Variants in DNAH9 observed in about 807,000 individuals in gnomAD.
DNAH9 encodes DNAH9 variant protein.
Under a neutral mutation model 471.6 loss-of-function variants are expected in DNAH9, and 345 were observed. The observed-to-expected ratio is 0.73, with a 90% confidence interval of 0.67 to 0.80. The LOEUF (loss-of-function observed/expected upper bound fraction) is 0.80, where lower values mean the gene tolerates loss of function less well. Ranked by LOEUF, DNAH9 falls within the 30% of genes least tolerant of loss-of-function variation. The probability of loss-of-function intolerance (pLI) is 0.00; values close to 1 mark genes in which losing one functional copy is unlikely to be tolerated. For missense variants in DNAH9, 5,407 were observed against 5,609.2 expected (o/e 0.96, Z 1.15); for synonymous variants, 2,093 against 2,123.6 (o/e 0.99, Z 0.40).
chr17:11,868,053 G>A (rs147936053), intron 50 of DNAH9, among the ~76,000 whole-genome samples: 180 of 152,230 alleles, frequency 1.2e-3, no homozygotes, highest in South Asian at 3.3e-3. Flanking sequence ...CTGCTCCAGC[G>A]GTCTCCACTT....
intron 14 of DNAH9, among the ~76,000 whole-genome samples, chr17:11,657,070 T>C (rs1289786953): frequency 6.6e-6 from 1 of 152,156 alleles, no homozygotes; most frequent in Non-Finnish European, 1.5e-5. Context: ...TCCATGGACA[T>C]ATGTTTTCAT....
intron 14 of DNAH9, among the ~76,000 whole-genome samples, chr17:11,662,052 A>G (rs2073775233): frequency 6.6e-6 from 1 of 152,028 alleles, no homozygotes; most frequent in Non-Finnish European, 1.5e-5. Context: ...TCCTTATTTC[A>G]TCTTTGTTTT....
chr17:11,878,470 A>G (rs978999163), intron 53 of DNAH9, among the ~76,000 whole-genome samples: 6 of 152,288 alleles, frequency 3.9e-5, no homozygotes, highest in African/African-American at 1.2e-4. Flanking sequence ...CATTTATTCT[A>G]TAAGTGATGC....
chr17:11,836,686 C>T (rs1970860258), intron 49 of DNAH9, among the ~76,000 whole-genome samples: 2 of 152,102 alleles, frequency 1.3e-5, no homozygotes, highest in South Asian at 2.1e-4. Context: ...CCATTCATTC[C>T]GTCTAAATCT....
Position 11,598,805 on chromosome 17 carries a change from T to C in DNAH9, c.307T>C (p.Phe103Leu). The C allele has an allele frequency of 2.7e-6, 4 of 1,480,772 alleles. No homozygotes were observed. Among genetic ancestry groups the C allele is most frequent in the Non-Finnish European group, 3.6e-6 (4 of 1,119,656 alleles). The allele number at this position is 1,480,772 out of a possible 1,614,324, so 91.7% of individuals were successfully genotyped here. A position where few individuals can be genotyped will look rare whatever the true frequency, so the allele number is the denominator to read the frequency against. The stretch of plus-strand genomic sequence containing the variant: ...CCTGGCTGGCGCTAAGGCGCTTTTT[T>C]TCCTTCGCACCGGGCCCGAGCCTCC... ...SGLAGAKALFFLRTGPEPPGP... is the reference protein window; with the variant it reads ...SGLAGAKALFLLRTGPEPPGP... Residue 103 changes from phenylalanine (F) to leucine (L), a missense_variant, in exon 1 of 69, where the codon TTC (phenylalanine) becomes CTC (leucine). Around this residue, in one of 3 missense-constraint regions of DNAH9, gnomAD observed 767 missense variants for 692.5 expected, o/e 1.11. Coordinates refer to ENST00000262442, the MANE Select transcript of DNAH9 (RefSeq NM_001372.4).
intron 43 of DNAH9, among the ~76,000 whole-genome samples, chr17:11,804,829 G>A (rs113961421): frequency 0.037 from 5,587 of 151,186 alleles, 172 homozygotes; most frequent in South Asian, 0.14. Flanking sequence ...AGCCGAGATC[G>A]CGCCACTGTA....
chr17:11,918,758 C>T (rs550164522), intron 61 of DNAH9, among the ~76,000 whole-genome samples: 11 of 151,458 alleles, frequency 7.3e-5, no homozygotes, highest in Non-Finnish European at 1.3e-4. Context: ...GGCCAAGGCA[C>T]GCGGATCACC....
At chr17:11,614,666 C>G (rs1345961542) in intron 4 of DNAH9, among the ~76,000 whole-genome samples, 1 of 152,200 alleles carries the variant, frequency 6.6e-6, no homozygotes, top group African/African-American at 2.4e-5. Context: ...GAGATCAAGG[C>G]ACTGGCAGGT....
At chr17:11,745,347 A>G (rs1400263767) in intron 31 of DNAH9, among the ~76,000 whole-genome samples, 1 of 152,150 alleles carries the variant, frequency 6.6e-6, no homozygotes, top group Admixed American at 6.5e-5. Flanking sequence ...AATGCCAACT[A>G]TCTGCTCACT....
At chr17:11,964,349 A>G (rs1223449766) in intron 68 of DNAH9, among the ~76,000 whole-genome samples, 1 of 152,212 alleles carries the variant, frequency 6.6e-6, no homozygotes, top group African/African-American at 2.4e-5. Flanking sequence ...GTAGGCAAGA[A>G]GCTCAGAAGG....
chr17:11,763,360 G>GT (rs1356768411), intron 35 of DNAH9, 80 bp from the exon 36 acceptor site: 27 of 1,278,438 alleles, frequency 2.1e-5, no homozygotes, highest in Non-Finnish European at 2.8e-5. Context: ...CTGAAACTGA[G>GT]TGGTTCCATA....
chr17:11,603,345 T>C (rs2072425724), intron 1 of DNAH9, among the ~76,000 whole-genome samples: 1 of 152,234 alleles, frequency 6.6e-6, no homozygotes, highest in African/African-American at 2.4e-5. Context: ...AAACCTCCTG[T>C]TAACCTCACT....
Position 11,965,316 on chromosome 17 carries a change from G to A in DNAH9, c.13233+3060G>A, listed in dbSNP as rs531017275. Among the ~76,000 whole-genome samples the A allele has an allele frequency of 1.4e-4, 22 of 152,360 alleles. No individual in the cohort carries two copies. The South Asian group carries it at 4.1e-3, about 29-fold the overall frequency. ...AGGTGTGCTCCAACACTTGCACACA[G>A]CCACTCAGCCAAGACTTTGTGACTT... On this transcript the variant is annotated intron_variant, in intron 68 of 68. Transcript: ENST00000262442.
intron 27 of DNAH9, among the ~76,000 whole-genome samples, chr17:11,726,103 T>C (rs2075146783): frequency 1.3e-5 from 2 of 152,276 alleles, no homozygotes; most frequent in South Asian, 4.1e-4. Context: ...CTTGTATTTC[T>C]TCCATAATCT....
intron 67 of DNAH9, among the ~76,000 whole-genome samples, chr17:11,961,089 C>T (rs1408086509): frequency 6.6e-6 from 1 of 152,012 alleles, no homozygotes; most frequent in African/African-American, 2.4e-5. Context: ...CTGAGGTGGG[C>T]TGATCACTTG....
chr17:11,697,371 G>A (rs1008031509), intron 22 of DNAH9, among the ~76,000 whole-genome samples: 28 of 152,040 alleles, frequency 1.8e-4, no homozygotes, highest in Non-Finnish European at 8.8e-5. Flanking sequence ...TCTGCTGTTT[G>A]TTGTTACAAA....
chr17:11,613,300 A>G (rs2150644836), intron 4 of DNAH9, among the ~76,000 whole-genome samples: 1 of 152,276 alleles, frequency 6.6e-6, no homozygotes, highest in South Asian at 2.1e-4. Context: ...GATGTCAGAA[A>G]TGACTAGGGG....
Position 11,744,925 on chromosome 17 carries a change from C to T in DNAH9, c.6240C>T (p.Pro2080=). ...LMRSLRDFNI[P]KIVTDDMPIF... is the part of the protein sequence containing the mutation. ...GCTCCTTGCGGGATTTCAACATCCC[C>T]AAGATTGTGACTGATGACATGCCCA... The change falls in exon 31 of 69, where the codon CCC becomes CCT. Residue 2080 remains proline (P), a synonymous_variant. Transcript: ENST00000262442. 2 of 1,614,162 alleles carry T rather than the reference C, an allele frequency of 1.2e-6. No homozygotes were observed. Among genetic ancestry groups the T allele is most frequent in the Non-Finnish European group, 1.7e-6 (2 of 1,180,036 alleles).
intron 19 of DNAH9, among the ~76,000 whole-genome samples, chr17:11,688,614 G>A (rs1486727945): frequency 1.3e-5 from 2 of 152,236 alleles, no homozygotes; most frequent in African/African-American, 2.4e-5. Context: ...GAAATCACCT[G>A]TGGAGTGCAT....
Sources: gnomAD v4.1 joint callset for allele counts (sites outside exome capture counted in the v4.1 genomes callset) on GRCh38, gnomAD v4.1.1 for gene constraint, gnomAD v4.1.1 regional missense constraint, MANE v1.5 for transcripts, NCBI Gene and HGNC (gene_info 2026-07-23, HGNC 2026-07-21) for gene names.